CROCC2: variants seen among roughly 807,000 people sequenced by gnomAD.
CROCC2 encodes ciliary rootlet coiled-coil, rootletin family member 2.
Under a neutral mutation model 177.6 loss-of-function variants are expected in CROCC2, and 163 were observed. The observed-to-expected ratio is 0.92, with a 90% CI of 0.81 to 1.05. The LOEUF (loss-of-function observed/expected upper bound fraction) is 1.05, where lower values mean the gene tolerates loss of function less well. Ranked by LOEUF, CROCC2 falls within the 50% of genes least tolerant of loss-of-function variation. CROCC2 has a pLI of 0.00. For synonymous variants in CROCC2, 904 were observed against 787.3 expected (o/e 1.15, Z -2.48); for missense variants, 1,929 against 1,797.8 (o/e 1.07, Z -1.32).
At chr2:240,921,542 G>A (rs1021497501) in intron 3 of CROCC2, among the ~76,000 whole-genome samples, 4 of 152,226 alleles carry the variant, frequency 2.6e-5, no homozygotes, top group South Asian at 2.1e-4. Context: ...AGTAAGCTGC[G>A]TGAGTCAGAT....
At chr2:240,925,915 C>T (rs749364969) in intron 5 of CROCC2, 35 bp downstream of exon 5, 14 of 682,394 alleles carry the variant, frequency 2.1e-5, no homozygotes, top group Admixed American at 1.5e-4. Flanking sequence ...TCATGGCGGC[C>T]GCCTGTCTGG....
intron 5 of CROCC2, among the ~76,000 whole-genome samples, chr2:240,929,255 C>T (rs2106459117): frequency 6.6e-6 from 1 of 152,276 alleles, no homozygotes; most frequent in South Asian, 2.1e-4. Context: ...TCATGGTCCT[C>T]TCTGGGGGTT....
intron 25 of CROCC2, 41 bp downstream of exon 25, chr2:240,966,450 C>T (rs2059685654): frequency 7.5e-6 from 3 of 399,700 alleles, no homozygotes; most frequent in South Asian, 1.3e-4. Context: ...GCGGCACCCC[C>T]CGGGGGTCTC....
intron 27 of CROCC2, among the ~76,000 whole-genome samples, chr2:240,976,464 A>C (rs1200026574): frequency 2.2e-4 from 26 of 115,914 alleles, no homozygotes; most frequent in African/African-American, 8.1e-4. Flanking sequence ...ATCCCTGCTC[A>C]GTCTCTGGGG....
intron 19 of CROCC2, chr2:240,957,948 C>T: frequency 1.0e-6 from 1 of 984,854 alleles, no homozygotes; most frequent in Non-Finnish European, 1.2e-6. Flanking sequence ...GCTGATGCCT[C>T]TGGCTCACAG....
rs1404881206 is a variant in CROCC2, at chr2:240,920,013, C to T, written c.260C>T (p.Ala87Val). The T allele has an allele frequency of 4.2e-6, 3 of 716,580 alleles. No homozygotes were observed. The African/African-American group carries it at 5.2e-5, about 13-fold the overall frequency. 44.4% of individuals were successfully genotyped at this position (716,580 alleles called of 1,614,324 possible). ...AGVQEPTATV[A>V]RVQEENELLQ... Reference sequence around the variant, plus strand: ...GTACAGGAGCCGACAGCCACTGTGGCCCGAGTGCAAGAGGAGAACGAGCTC... The same window carrying T: ...GTACAGGAGCCGACAGCCACTGTGGTCCGAGTGCAAGAGGAGAACGAGCTC... Residue 87 changes from alanine (A) to valine (V), a missense_variant, in exon 3 of 32, where the codon GCC becomes GTC. Physicochemically the swap from Ala to Val is moderately conservative, Grantham distance 64. Transcript: ENST00000690015.
chr2:240,988,183 T>C (rs76031781), intron 28 of CROCC2, among the ~76,000 whole-genome samples: 2,633 of 151,976 alleles, frequency 0.017, 31 homozygotes, highest in Non-Finnish European at 0.028. Context: ...AGGGAGTGGG[T>C]GACTAAGGAG....
chr2:240,989,952 C>G (rs1316864100), intron 30 of CROCC2, 119 bp downstream of exon 30: 2 of 990,188 alleles, frequency 2.0e-6, no homozygotes, highest in African/African-American at 3.3e-5. Context: ...GGGCTCTCCA[C>G]TGCCACCCAG....
chr2:240,916,090 C>T (rs2106451419), intron 1 of CROCC2, among the ~76,000 whole-genome samples: 1 of 152,260 alleles, frequency 6.6e-6, no homozygotes, highest in East Asian at 1.9e-4. Context: ...GCGCAGAGTC[C>T]CTGGGAGGGG....
At position 240,906,581 on chromosome 2, in the gene CROCC2, C is replaced by T. The variant is rs2059255074; in HGVS notation, c.68C>T (p.Thr23Ile). The T allele has an allele frequency of 2.5e-6, 1 of 399,054 alleles. No homozygotes were observed. The highest frequency in any genetic ancestry group is 1.3e-4 in the South Asian group (1 of 7,862). 24.7% of individuals were successfully genotyped at this position (399,054 alleles called of 1,614,324 possible). A position where few individuals can be genotyped will look rare whatever the true frequency, so the allele number is the denominator to read the frequency against. Reference protein sequence around the residue: ...ASQQPLLGLDTVIQRLEDTIL... With the variant: ...ASQQPLLGLDIVIQRLEDTIL... ...CAACAGCCCCTACTGGGGCTGGACA[C>T]CGTGATCCAGGTCAGTGGGGTGGTC... Residue 23 changes from threonine (T) to isoleucine (I), a missense_variant, in exon 1 of 32, where the codon ACC becomes ATC. Physicochemically the swap from Thr to Ile is moderately conservative, Grantham distance 89. Coordinates refer to ENST00000690015, the MANE Select transcript of CROCC2 (RefSeq NM_001351305.2).
chr2:240,915,118 C>T (rs994167430), intron 1 of CROCC2, among the ~76,000 whole-genome samples: 14 of 152,184 alleles, frequency 9.2e-5, no homozygotes, highest in African/African-American at 1.9e-4. Flanking sequence ...GAGCTGGGGT[C>T]GTGTCCCTGG....
chr2:240,920,232 C>T (rs539583975), intron 3 of CROCC2, 98 bp downstream of exon 3: 18 of 582,206 alleles, frequency 3.1e-5, no homozygotes, highest in Non-Finnish European at 4.3e-5. Flanking sequence ...CTGGGACCAT[C>T]GGCAATTTCT....
Position 240,973,006 on chromosome 2 carries a change from G to A in CROCC2, c.4401+4744G>A, listed in dbSNP as rs983013729. Reference sequence around the variant, plus strand: ...GCTGCCCCATGCCCCTTGCTGAGCAGGGGGGTGCTAGGGTCCAGTAGGGCA... The same window carrying A: ...GCTGCCCCATGCCCCTTGCTGAGCAAGGGGGTGCTAGGGTCCAGTAGGGCA... On this transcript the variant is annotated intron_variant, in intron 27 of 31. Coordinates refer to ENST00000690015, the MANE Select transcript of CROCC2 (RefSeq NM_001351305.2). The surrounding 1 kb of genome is among the most constrained non-coding windows in gnomAD (Gnocchi z 4.7). Among the ~76,000 whole-genome samples the A allele has an allele frequency of 1.3e-5, 2 of 152,046 alleles. No individual in the cohort carries two copies. The highest frequency in any genetic ancestry group is 4.8e-5 in the African/African-American group (2 of 41,410).
At chr2:240,968,902 G>C (rs903962199) in intron 27 of CROCC2, among the ~76,000 whole-genome samples, 2 of 152,152 alleles carry the variant, frequency 1.3e-5, no homozygotes, top group African/African-American at 4.8e-5. Flanking sequence ...GGGAGCCCCA[G>C]GCCCAGCCAG....
At chr2:240,947,763 C>T (rs575055293) in intron 15 of CROCC2, among the ~76,000 whole-genome samples, 3 of 152,312 alleles carry the variant, frequency 2.0e-5, no homozygotes, top group African/African-American at 4.8e-5. Flanking sequence ...TGGGGACCTG[C>T]TCCCTCCCTT....
intron 1 of CROCC2, among the ~76,000 whole-genome samples, chr2:240,911,718 G>A (rs1471278464): frequency 6.6e-6 from 1 of 151,432 alleles, no homozygotes; most frequent in Non-Finnish European, 1.5e-5. Flanking sequence ...GACTCTAGCA[G>A]CCTTGTCTAA....
chr2:240,977,880 A>T (rs1359185748), intron 27 of CROCC2, among the ~76,000 whole-genome samples: 27 of 14,436 alleles, frequency 1.9e-3, no homozygotes, highest in South Asian at 0.014. Flanking sequence ...TAGGAGCCTC[A>T]GGAGCCCAGG....
chr2:240,912,325 T>C (rs1244149981), intron 1 of CROCC2, among the ~76,000 whole-genome samples: 2 of 152,192 alleles, frequency 1.3e-5, no homozygotes, highest in Non-Finnish European at 2.9e-5. Flanking sequence ...CTCAGTCCCA[T>C]AAAGCTGCCC....
chr2:240,966,754 CTCCCAAAG>C (rs1244725759), intron 25 of CROCC2, among the ~76,000 whole-genome samples: 1 of 152,168 alleles, frequency 6.6e-6, no homozygotes, highest in Non-Finnish European at 1.5e-5. Flanking sequence ...CCCCTCAATG[CTCCCAAAG>C]ACCCCTCCGG....
Sources: allele counts gnomAD v4.1 joint callset (sites outside exome capture counted in the v4.1 genomes callset), GRCh38; gene constraint gnomAD v4.1.1; non-coding constraint Gnocchi (gnomAD v3.1); transcripts MANE v1.5; gene names NCBI Gene and HGNC (gene_info 2026-07-23, HGNC 2026-07-21).